The following CCDC152 variants were observed in gnomAD, a reference collection of about 807,000 sequenced individuals.
CCDC152 encodes coiled-coil domain-containing protein 152.
A neutral mutation model predicts 38.1 loss-of-function variants in CCDC152; 37 were observed. That is an observed-to-expected ratio of 0.97 (90% CI 0.75 to 1.28). CCDC152 has a LOEUF of 1.28. CCDC152 is among the 50% of genes most tolerant of loss of function. The pLI is 0.00. For missense variants in CCDC152, 259 were observed against 292.1 expected (o/e 0.89, Z 0.83); for synonymous variants, 83 against 87.1 (o/e 0.95, Z 0.26).
chr5:42,762,987 C>G (rs181083934), intron 3 of CCDC152, among the ~76,000 whole-genome samples: 9 of 152,324 alleles, frequency 5.9e-5, no homozygotes, highest in Admixed American at 5.2e-4. Context: ...AGCCTAGAGG[C>G]AATAATGCCC....
intron 6 of CCDC152, among the ~76,000 whole-genome samples, chr5:42,793,392 C>G (rs1760031366): frequency 6.6e-6 from 1 of 152,118 alleles, no homozygotes; most frequent in African/African-American, 2.4e-5. Context: ...CGAAACTCCT[C>G]AAACTATACG....
At chr5:42,769,701 T>G in intron 4 of CCDC152, 36 bp downstream of exon 4, 1 of 1,460,472 alleles carries the variant, frequency 6.8e-7, no homozygotes, top group Non-Finnish European at 9.1e-7. Flanking sequence ...TAAAAAAGCA[T>G]TGTGTATTTG....
intron 3 of CCDC152, among the ~76,000 whole-genome samples, chr5:42,764,844 T>A (rs1479037972): frequency 6.6e-6 from 1 of 152,136 alleles, no homozygotes; most frequent in African/African-American, 2.4e-5. Context: ...ACTGAAAGCC[T>A]CTCCTCTAAG....
chr5:42,759,847 C>T (rs894099046), intron 2 of CCDC152, among the ~76,000 whole-genome samples: 6 of 151,996 alleles, frequency 3.9e-5, no homozygotes, highest in African/African-American at 1.5e-4. Context: ...TGTTATTAAC[C>T]TCTTACTGTG....
chr5:42,758,409 A>C (rs1759509215), intron 1 of CCDC152, among the ~76,000 whole-genome samples: 1 of 152,182 alleles, frequency 6.6e-6, no homozygotes, highest in African/African-American at 2.4e-5. Context: ...AACATCCCTG[A>C]ATTTCAAACT....
Position 42,800,949 on chromosome 5 carries a change from T to G in CCDC152, c.*1168T>G. 6.2e-7 allele frequency: 1 copy of G among 1,614,246 alleles called. No homozygotes were observed. The highest frequency in any genetic ancestry group is 8.5e-7 in the Non-Finnish European group (1 of 1,180,046). ...AGACCCTGTTTTTTCAAATATCAGA[T>G]GTCGACAATGGCAGCATCAGCTCCT... On this transcript the variant is annotated 3_prime_UTR_variant, in exon 9 of 9. Coordinates refer to ENST00000361970, the MANE Select transcript of CCDC152 (RefSeq NM_001134848.2).
At chr5:42,784,042 T>C (rs560263981) in intron 6 of CCDC152, among the ~76,000 whole-genome samples, 1 of 152,286 alleles carries the variant, frequency 6.6e-6, no homozygotes, top group East Asian at 1.9e-4. Context: ...AATAGAACTG[T>C]GATAAACATG....
At chr5:42,797,184 G>A (rs1276201082) in intron 7 of CCDC152, among the ~76,000 whole-genome samples, 2 of 152,138 alleles carry the variant, frequency 1.3e-5, no homozygotes, top group South Asian at 2.1e-4. Context: ...TGAGTTGTTC[G>A]AAAGTTCCTG....
At chr5:42,777,467 T>TAA (rs35424997) in intron 4 of CCDC152, among the ~76,000 whole-genome samples, 25,103 of 134,578 alleles carry the variant, frequency 0.19, 2,612 homozygotes, top group Non-Finnish European at 0.26. Flanking sequence ...CATCTCAATA[T>TAA]AAAAAAAAAA....
intron 3 of CCDC152, among the ~76,000 whole-genome samples, chr5:42,768,496 G>A (rs747269786): frequency 6.6e-5 from 10 of 152,172 alleles, no homozygotes; most frequent in Non-Finnish European, 1.5e-4. Flanking sequence ...CAATATTATA[G>A]TCAAGGCTTG....
Position 42,759,111 on chromosome 5 carries a change from T to C in CCDC152, c.-2-9T>C. On this transcript the variant is annotated splice_polypyrimidine_tract_variant and intron_variant, in intron 1 of 8. Coordinates refer to ENST00000361970, the MANE Select transcript of CCDC152 (RefSeq NM_001134848.2). Reference sequence around the variant, plus strand: ...TTATTTAACACTATCTACTGTTTACTACTTTCAGGCATGGACCAAAGCAGT... The same window carrying C: ...TTATTTAACACTATCTACTGTTTACCACTTTCAGGCATGGACCAAAGCAGT... The C allele has an allele frequency of 1.3e-6, 2 of 1,531,800 alleles. No individual in the cohort carries two copies. Among genetic ancestry groups the C allele is most frequent in the Non-Finnish European group, 1.8e-6 (2 of 1,130,578 alleles). 94.9% of individuals were successfully genotyped at this position (1,531,800 alleles called of 1,614,324 possible). A position where few individuals can be genotyped will look rare whatever the true frequency, so the allele number is the denominator to read the frequency against.
Position 42,801,336 on chromosome 5 carries a change from A to T in CCDC152, c.*1555A>T, listed in dbSNP as rs778463136. 1 of 1,588,166 alleles carries T rather than the reference A, an allele frequency of 6.3e-7. No homozygotes were observed. The highest frequency in any genetic ancestry group is 1.1e-5 in the South Asian group (1 of 87,946). ...AAAGTCTTCATCTTTGAGAGTCTGG[A>T]ACAAATTTATAAATCACTTTTTAAC... On this transcript the variant is annotated 3_prime_UTR_variant, in exon 9 of 9. Coordinates refer to ENST00000361970, the MANE Select transcript of CCDC152 (RefSeq NM_001134848.2).
intron 2 of CCDC152, among the ~76,000 whole-genome samples, chr5:42,759,593 C>G (rs1759522487): frequency 1.3e-5 from 2 of 152,186 alleles, no homozygotes. Context: ...ATTTTAAATT[C>G]TGCACCATTC....
At chr5:42,766,419 T>C (rs1259119636) in intron 3 of CCDC152, among the ~76,000 whole-genome samples, 1 of 152,168 alleles carries the variant, frequency 6.6e-6, no homozygotes, top group Non-Finnish European at 1.5e-5. Context: ...GCTGGGTATA[T>C]ACACAGAAGA....
At position 42,796,906 on chromosome 5, in the gene CCDC152, A is replaced by T. The variant is rs1220893509; in HGVS notation, c.508A>T (p.Arg170Ter). The T allele has an allele frequency of 1.3e-6, 2 of 1,531,580 alleles. No homozygotes were observed. Among genetic ancestry groups the T allele is most frequent in the Non-Finnish European group, 1.8e-6 (2 of 1,141,490 alleles). 94.9% of individuals were successfully genotyped at this position (1,531,580 alleles called of 1,614,324 possible). Residue 170 changes from arginine to a stop codon, truncating the protein, a stop_gained, in exon 7 of 9, where the codon AGA becomes TGA. Transcript: ENST00000361970. LOFTEE classifies it high-confidence loss of function. ...AATTTCAGAGTTAAATGCAAAGCTA[A>T]GAAGTCAAGAAAAAGAAAAACAAAA... Reference protein sequence around the residue: ...MEISELNAKLRSQEKEKQNEI... With the variant: ...MEISELNAKL
At chr5:42,767,489 C>T (rs990816978) in intron 3 of CCDC152, among the ~76,000 whole-genome samples, 22 of 152,168 alleles carry the variant, frequency 1.4e-4, no homozygotes, top group Middle Eastern at 3.4e-3. Flanking sequence ...TAAGAAATAG[C>T]TTAATATTCT....
chr5:42,761,292 C>A (rs1243898849), intron 2 of CCDC152, among the ~76,000 whole-genome samples: 1 of 152,110 alleles, frequency 6.6e-6, no homozygotes, highest in African/African-American at 2.4e-5. Flanking sequence ...ACAGCATATT[C>A]AAAAATGAAA....
intron 1 of CCDC152, 72 bp from the exon 2 acceptor site, chr5:42,759,048 G>C: frequency 9.4e-7 from 1 of 1,060,684 alleles, no homozygotes; most frequent in Non-Finnish European, 1.4e-6. Context: ...TAGTATTTGA[G>C]CTATGAACAC....
At chr5:42,783,598 T>G (rs1358959972) in intron 6 of CCDC152, 22 bp downstream of exon 6, 29 of 1,204,066 alleles carry the variant, frequency 2.4e-5, no homozygotes, top group Non-Finnish European at 3.0e-5. Flanking sequence ...ATAAACTTGC[T>G]TTTTTGTTAT....
Sources: gnomAD v4.1 joint callset for allele counts (sites outside exome capture counted in the v4.1 genomes callset) on GRCh38, gnomAD v4.1.1 for gene constraint, MANE v1.5 for transcripts, NCBI Gene and HGNC (gene_info 2026-07-23, HGNC 2026-07-21) for gene names.